The following RAPGEF2 variants were observed in gnomAD, a reference collection of about 807,000 sequenced individuals.
RAPGEF2 encodes Rap guanine nucleotide exchange factor 2.
In RAPGEF2, 54 loss-of-function variants were observed where a neutral mutation model predicts 186.7. The ratio of observed to expected loss-of-function variants is 0.29; its 90% CI spans 0.23 to 0.36. RAPGEF2 has a LOEUF of 0.36. RAPGEF2 is among the 10% of genes least tolerant of loss of function. The pLI, the probability that RAPGEF2 is intolerant of heterozygous loss-of-function variation, is 1.00. For missense variants in RAPGEF2, 1,532 were observed against 2,045.0 expected, an observed-to-expected ratio of 0.75 and a Z score of 4.84; for synonymous variants, 712 against 705.9, an observed-to-expected ratio of 1.01 and a Z score of -0.14.
intron 1 of RAPGEF2, among the ~76,000 whole-genome samples, chr4:159,120,811 T>A (rs913642841): frequency 6.6e-6 from 1 of 152,182 alleles, no homozygotes; most frequent in South Asian, 2.1e-4. Flanking sequence ...TAAGAGTTTA[T>A]TGGGCTGAGA....
chr4:159,148,888 T>C (rs2111185027), intron 1 of RAPGEF2, among the ~76,000 whole-genome samples: 1 of 152,334 alleles, frequency 6.6e-6, no homozygotes, highest in Middle Eastern at 3.4e-3. Flanking sequence ...TTATAAATGT[T>C]AGTTACTTTG....
At chr4:159,279,731 T>G (rs918592226) in intron 7 of RAPGEF2, among the ~76,000 whole-genome samples, 1 of 152,010 alleles carries the variant, frequency 6.6e-6, no homozygotes, top group South Asian at 2.1e-4. Context: ...CAGGCTGGAG[T>G]GCAGTGGTGT....
intron 1 of RAPGEF2, among the ~76,000 whole-genome samples, chr4:159,176,120 A>T (rs1308252670): frequency 1.3e-5 from 2 of 152,232 alleles, no homozygotes; most frequent in African/African-American, 4.8e-5. Flanking sequence ...GTCTTGGAGC[A>T]GAGGAGGATG....
At chr4:159,350,341 C>A (rs754417613) in intron 26 of RAPGEF2, 52 bp downstream of exon 26, 2 of 1,395,242 alleles carry the variant, frequency 1.4e-6, no homozygotes, top group African/African-American at 2.9e-5. Context: ...TACATTTTGG[C>A]TATAATAAAT....
intron 1 of RAPGEF2, among the ~76,000 whole-genome samples, chr4:159,168,005 CAT>C: frequency 6.6e-6 from 1 of 152,338 alleles, no homozygotes; most frequent in East Asian, 1.9e-4. Flanking sequence ...TGGTGAGGCT[CAT>C]ATGTGTAAAT....
intron 7 of RAPGEF2, among the ~76,000 whole-genome samples, chr4:159,271,035 G>A (rs930450817): frequency 1.3e-5 from 2 of 152,182 alleles, no homozygotes; most frequent in African/African-American, 4.8e-5. Flanking sequence ...GACTCCTGTA[G>A]ACCATTAGTT....
intron 1 of RAPGEF2, among the ~76,000 whole-genome samples, chr4:159,182,758 T>C (rs1747153768): frequency 6.6e-6 from 1 of 152,232 alleles, no homozygotes; most frequent in African/African-American, 2.4e-5. Context: ...TATTGTCATC[T>C]GTGTCCTTAT....
At chr4:159,165,507 T>G (rs1033098952) in intron 1 of RAPGEF2, among the ~76,000 whole-genome samples, 2 of 152,194 alleles carry the variant, frequency 1.3e-5, no homozygotes, top group African/African-American at 2.4e-5. Context: ...TGCCTAAAGG[T>G]TTTTGAAGTC....
Position 159,339,539 on chromosome 4 carries a change from G to A in RAPGEF2, c.2534+185G>A, listed in dbSNP as rs766866723. Reference sequence around the variant, plus strand: ...TGTATGAAAGCAAATGCACACAGTCGACTACTGACCCTAACAAGGATCTCT... The same window carrying A: ...TGTATGAAAGCAAATGCACACAGTCAACTACTGACCCTAACAAGGATCTCT... On this transcript the variant is annotated intron_variant, in intron 19 of 29. Transcript: ENST00000691494. 5.6e-4 allele frequency among the ~76,000 whole-genome samples: 85 copies of A among 151,508 alleles called. 1 individual carries two copies. The highest frequency in any genetic ancestry group is 3.9e-4 in the East Asian group (2 of 5,178).
At chr4:159,157,197 T>C (rs1744221520) in intron 1 of RAPGEF2, among the ~76,000 whole-genome samples, 1 of 152,198 alleles carries the variant, frequency 6.6e-6, no homozygotes. Flanking sequence ...AATAAACATA[T>C]GCCAGACTCC....
chr4:159,182,306 A>C (rs903613855), intron 1 of RAPGEF2, among the ~76,000 whole-genome samples: 10 of 152,170 alleles, frequency 6.6e-5, no homozygotes, highest in African/African-American at 2.4e-4. Flanking sequence ...TCATGTCTTA[A>C]CATACCATAA....
intron 11 of RAPGEF2, chr4:159,327,940 T>C (rs1336365181): frequency 1.3e-5 from 2 of 152,106 alleles, no homozygotes; most frequent in African/African-American, 4.8e-5. Context: ...ACTAAGAATT[T>C]CAAATCAAAT....
chr4:159,111,367 C>T (rs1163841909), intron 1 of RAPGEF2, among the ~76,000 whole-genome samples: 3 of 152,180 alleles, frequency 2.0e-5, no homozygotes, highest in Non-Finnish European at 2.9e-5. Flanking sequence ...TTGCCTTCCA[C>T]AGGTTGAAAA....
At chr4:159,259,694 A>T (rs1398114849) in intron 7 of RAPGEF2, among the ~76,000 whole-genome samples, 1 of 152,200 alleles carries the variant, frequency 6.6e-6, no homozygotes, top group Non-Finnish European at 1.5e-5. Context: ...ACAGTTGTCT[A>T]AAATTATTCA....
intron 1 of RAPGEF2, among the ~76,000 whole-genome samples, chr4:159,127,777 T>A (rs1740522458): frequency 6.6e-6 from 1 of 152,222 alleles, no homozygotes; most frequent in African/African-American, 2.4e-5. Flanking sequence ...CTCAGTTTGG[T>A]GCAGTTTTTA....
At chr4:159,181,996 A>G (rs1270092988) in intron 1 of RAPGEF2, among the ~76,000 whole-genome samples, 2 of 152,248 alleles carry the variant, frequency 1.3e-5, no homozygotes, top group Non-Finnish European at 2.9e-5. Flanking sequence ...CAAATAGAAC[A>G]TTATGATTGG....
chr4:159,104,534 C>CAGAGAGAGAGAGAG (rs1209953581), intron 1 of RAPGEF2, among the ~76,000 whole-genome samples: 1 of 62,428 alleles, frequency 1.6e-5, no homozygotes, highest in South Asian at 6.0e-4. Context: ...GAGGGAGAGA[C>CAGAGAGAGAGAGAG]AGAGAGAGAG....
chr4:159,270,164 T>C (rs1421832585), intron 7 of RAPGEF2, among the ~76,000 whole-genome samples: 1 of 152,236 alleles, frequency 6.6e-6, no homozygotes. Context: ...AGATGTCACA[T>C]GCAGCAGAGT....
intron 8 of RAPGEF2, among the ~76,000 whole-genome samples, chr4:159,306,472 T>G (rs1412618939): frequency 6.6e-6 from 1 of 152,204 alleles, no homozygotes; most frequent in Non-Finnish European, 1.5e-5. Context: ...TTTGTGCATA[T>G]TGATTTTGCA....
Sources: allele counts gnomAD v4.1 joint callset (sites outside exome capture counted in the v4.1 genomes callset), GRCh38; gene constraint gnomAD v4.1.1; transcripts MANE v1.5; gene names NCBI Gene and HGNC (gene_info 2026-07-23, HGNC 2026-07-21).